The following WT1 variants were observed in gnomAD, a reference collection of about 807,000 sequenced individuals.
WT1 encodes the protein WT1 transcription factor, also known as Wilms tumor protein.
In WT1, 8 loss-of-function variants were observed where a neutral mutation model predicts 60.8. The observed-to-expected ratio is 0.13, with a 90% CI of 0.08 to 0.24. The LOEUF (loss-of-function observed/expected upper bound fraction) is 0.24, where lower values mean the gene tolerates loss of function less well. Ranked by LOEUF, WT1 falls within the 10% of genes least tolerant of loss-of-function variation. The probability of loss-of-function intolerance (pLI) is 1.00; values close to 1 mark genes in which losing one functional copy is unlikely to be tolerated. For synonymous variants in WT1, 312 were observed against 297.1 expected (o/e 1.05, Z -0.52); for missense variants, 568 against 711.8 (o/e 0.80, Z 2.30).
intron 3 of WT1, among the ~76,000 whole-genome samples, chr11:32,422,214 C>T (rs1416842235): frequency 6.6e-6 from 1 of 152,206 alleles, no homozygotes; most frequent in African/African-American, 2.4e-5. Context: ...CACAGTCACT[C>T]TCTTGGTATT....
chr11:32,428,671 G>A, intron 1 of WT1, 52 bp from the exon 2 acceptor site: 1 of 1,593,172 alleles, frequency 6.3e-7, no homozygotes, highest in Non-Finnish European at 8.5e-7. Context: ...TCGCAAGACG[G>A]GGCAGTGGGT....
chr11:32,392,897 A>T, intron 7 of WT1, 142 bp from the exon 8 acceptor site: 1 of 713,414 alleles, frequency 1.4e-6, no homozygotes, highest in Non-Finnish European at 2.4e-6. Context: ...ATGATCCCCA[A>T]CTTGCAAGTT....
chr11:32,426,388 G>A (rs1853037046), intron 3 of WT1, among the ~76,000 whole-genome samples: 1 of 152,212 alleles, frequency 6.6e-6, no homozygotes, highest in Admixed American at 6.5e-5. Flanking sequence ...AAGAAGAATG[G>A]CAATGGCCCC....
At chr11:32,399,367 C>T (rs981820530) in intron 6 of WT1, among the ~76,000 whole-genome samples, 1 of 152,084 alleles carries the variant, frequency 6.6e-6, no homozygotes, top group Non-Finnish European at 1.5e-5. Context: ...AAACTATGGG[C>T]TTTAGTTAAC....
intron 6 of WT1, among the ~76,000 whole-genome samples, chr11:32,398,542 T>A (rs1852044149): frequency 6.6e-6 from 1 of 152,170 alleles, no homozygotes; most frequent in Admixed American, 6.6e-5. Context: ...CTGTTCACCA[T>A]CCTCTGCCTC....
Position 32,435,177 on chromosome 11 carries a change from T to G in WT1, c.184A>C (p.Arg62=). ...TCAGACCCGGACGCCCCGCGGCTCC[T>G]CCGGCCCTGGAGACGTTCAGCGCTG... The change falls in exon 1 of 10, where the codon AGG becomes CGG. Residue 62 remains arginine (R), a synonymous_variant. Transcript: ENST00000452863. The G allele has an allele frequency of 6.6e-7, 1 of 1,522,340 alleles. No homozygotes were observed. Among genetic ancestry groups the G allele is most frequent in the South Asian group, 1.2e-5 (1 of 83,000 alleles). The allele number at this position is 1,522,340 out of a possible 1,614,324, so 94.3% of individuals were successfully genotyped here. A position where few individuals can be genotyped will look rare whatever the true frequency, so the allele number is the denominator to read the frequency against.
intron 3 of WT1, among the ~76,000 whole-genome samples, chr11:32,420,426 C>T (rs1030694466): frequency 1.6e-4 from 25 of 152,192 alleles, no homozygotes; most frequent in African/African-American, 6.0e-4. Flanking sequence ...CCCTCAATGG[C>T]CCTTTGAAGA....
intron 5 of WT1, chr11:32,400,625 G>A (rs558537049): frequency 7.6e-5 from 15 of 197,194 alleles, no homozygotes; most frequent in Admixed American, 5.8e-4. Context: ...GGGCACTGAA[G>A]AATCTTCCTC....
At position 32,392,893 on chromosome 11, in the gene WT1, C is replaced by T. The variant is rs188858832; in HGVS notation, c.1265-138G>A. 8.2e-6 allele frequency: 6 copies of T among 731,852 alleles called. No homozygotes were observed. In the African/African-American group the frequency reaches 1.0e-4, roughly 13 times the overall value. 45.3% of individuals were successfully genotyped at this position (731,852 alleles called of 1,614,324 possible). A position where few individuals can be genotyped will look rare whatever the true frequency, so the allele number is the denominator to read the frequency against. On this transcript the variant is annotated intron_variant, in intron 7 of 9. Transcript: ENST00000452863. ...TGGAGCTTGTTAGGGTAGGATGATC[C>T]CCAACTTGCAAGTTACAAATGAATG...
chr11:32,398,645 G>A (rs1183012344), intron 6 of WT1, among the ~76,000 whole-genome samples: 6 of 151,950 alleles, frequency 3.9e-5, no homozygotes, highest in Admixed American at 6.6e-5. Flanking sequence ...ATTTACTAGC[G>A]ATGTGATTCT....
At chr11:32,421,002 T>A (rs1038159688) in intron 3 of WT1, among the ~76,000 whole-genome samples, 1 of 152,146 alleles carries the variant, frequency 6.6e-6, no homozygotes. Flanking sequence ...AGAGCACAGT[T>A]TTAACCACAT....
intron 3 of WT1, 101 bp downstream of exon 3, chr11:32,427,855 C>T: frequency 1.8e-6 from 2 of 1,125,846 alleles, no homozygotes; most frequent in Non-Finnish European, 2.5e-6. Context: ...CCTGCATGCC[C>T]GCAGTCAGGG....
At position 32,434,975 on chromosome 11, in the gene WT1, G is replaced by A. The variant is rs745435848; in HGVS notation, c.386C>T (p.Pro129Leu). ...CGGGGGTGGCGGCGGAGCCGGTGGC[G>A]GCGCGGGGCCGCCCAACGACCCGTA... Residue 129 changes from proline to leucine, a missense_variant, in exon 1 of 10, where the codon CCG (proline) becomes CTG (leucine). Around this residue, in one of 3 missense-constraint regions of WT1, gnomAD observed 523 missense variants for 565.1 expected, o/e 0.93. Transcript: ENST00000452863. 5 of 1,524,240 alleles carry A rather than the reference G, an allele frequency of 3.3e-6. No individual in the cohort carries two copies. In the African/African-American group the frequency reaches 6.9e-5, roughly 21 times the overall value. 94.4% of individuals were successfully genotyped at this position (1,524,240 alleles called of 1,614,324 possible). A position where few individuals can be genotyped will look rare whatever the true frequency, so the allele number is the denominator to read the frequency against.
At chr11:32,406,460 C>T (rs1852312563) in intron 5 of WT1, among the ~76,000 whole-genome samples, 1 of 152,056 alleles carries the variant, frequency 6.6e-6, no homozygotes, top group South Asian at 2.1e-4. Flanking sequence ...TGCTACCTCG[C>T]CTGCCGCTCA....
At chr11:32,428,975 C>T (rs549715605) in intron 1 of WT1, 1 of 366,846 alleles carries the variant, frequency 2.7e-6, no homozygotes, top group African/African-American at 2.1e-5. Context: ...GTTCACCCCC[C>T]AAAAATAAAC....
chr11:32,421,665 T>C (rs1487092751), intron 3 of WT1, among the ~76,000 whole-genome samples: 1 of 152,204 alleles, frequency 6.6e-6, no homozygotes, highest in Non-Finnish European at 1.5e-5. Flanking sequence ...ATATAGAGTT[T>C]GTTTTGGCCT....
At chr11:32,410,279 T>A (rs530733664) in intron 5 of WT1, among the ~76,000 whole-genome samples, 1 of 152,304 alleles carries the variant, frequency 6.6e-6, no homozygotes, top group East Asian at 1.9e-4. Flanking sequence ...AACATACAGA[T>A]ACTTCTATCT....
chr11:32,410,903 G>A (rs748994042), intron 5 of WT1, among the ~76,000 whole-genome samples: 7 of 152,288 alleles, frequency 4.6e-5, no homozygotes, highest in Non-Finnish European at 8.8e-5. Flanking sequence ...CCAGATCAAT[G>A]TTCTTCTACC....
intron 3 of WT1, among the ~76,000 whole-genome samples, chr11:32,420,504 A>G (rs58043598): frequency 0.028 from 4,310 of 152,216 alleles, 194 homozygotes; most frequent in African/African-American, 0.098. Context: ...CAGCACTTTC[A>G]CACATTCTCA....
Sources: gnomAD v4.1 joint callset for allele counts (sites outside exome capture counted in the v4.1 genomes callset) on GRCh38, gnomAD v4.1.1 for gene constraint, gnomAD v4.1.1 regional missense constraint, MANE v1.5 for transcripts, NCBI Gene and HGNC (gene_info 2026-07-23, HGNC 2026-07-21) for gene names.